SPAG17: variants seen among roughly 807,000 people sequenced by gnomAD.
SPAG17 encodes the protein sperm-associated antigen 17.
In SPAG17, 169 loss-of-function variants were observed where a neutral mutation model predicts 273.6. That is an observed-to-expected ratio of 0.62 (90% CI 0.55 to 0.70). The LOEUF (loss-of-function observed/expected upper bound fraction) is 0.70, where lower values mean the gene tolerates loss of function less well. Ranked by LOEUF, SPAG17 falls within the 30% of genes least tolerant of loss-of-function variation. The probability of loss-of-function intolerance (pLI) is 0.00; values close to 1 mark genes in which losing one functional copy is unlikely to be tolerated. For synonymous variants in SPAG17, 825 were observed against 873.2 expected (o/e 0.94, Z 0.97); for missense variants, 2,557 against 2,627.8 (o/e 0.97, Z 0.59).
chr1:118,029,056 C>T (rs1648116371), intron 25 of SPAG17, among the ~76,000 whole-genome samples: 1 of 151,992 alleles, frequency 6.6e-6, no homozygotes, highest in African/African-American at 2.4e-5. Flanking sequence ...TAGAAACCAG[C>T]CAGGGTAACA....
Position 118,055,863 on chromosome 1 carries a change from T to C in SPAG17, c.2592A>G (p.Glu864=), listed in dbSNP as rs79742727. 1,343 of 1,612,394 alleles carry C rather than the reference T, an allele frequency of 8.3e-4. 14 individuals are homozygous for C. In the African/African-American group the frequency reaches 0.016, roughly 19 times the overall value. ...TTTTAGATTCCTGATATATAGCTTC[T>C]TCTTTTGTAATCCAATCTTGAATAG... is the stretch of plus-strand genomic sequence containing the variant. ...AKSIQDWITK[E]EAIYQESKMN... is the part of the protein sequence containing the mutation. Residue 864 remains glutamate (E), a synonymous_variant, in exon 19 of 49, where the codon GAA becomes GAG. Transcript: ENST00000336338.
chr1:118,153,809 CACTCCAGCCTGGGT>C (rs1659514315), intron 1 of SPAG17, among the ~76,000 whole-genome samples: 1 of 151,728 alleles, frequency 6.6e-6, no homozygotes, highest in Non-Finnish European at 1.5e-5. Flanking sequence ...CGCACCACTG[CACTCCAGCCTGGGT>C]GACAAAGCGA....
intron 25 of SPAG17, among the ~76,000 whole-genome samples, chr1:118,030,387 CCGGT>C (rs1487549182): frequency 2.0e-5 from 3 of 151,854 alleles, no homozygotes; most frequent in African/African-American, 7.2e-5. Context: ...TTCCTTGTTG[CCGGT>C]CTTTTAGAAC....
chr1:118,100,234 A>G (rs1655976636), intron 5 of SPAG17, among the ~76,000 whole-genome samples: 1 of 152,224 alleles, frequency 6.6e-6, no homozygotes, highest in African/African-American at 2.4e-5. Flanking sequence ...GAAATAATGA[A>G]TATGGACATG....
intron 26 of SPAG17, 66 bp downstream of exon 26, chr1:118,028,208 C>T: frequency 2.6e-6 from 4 of 1,540,642 alleles, no homozygotes; most frequent in South Asian, 1.2e-5. Flanking sequence ...TGAAAATACA[C>T]AATTTCCTGT....
chr1:117,983,265 C>A (rs1656034639), intron 42 of SPAG17, among the ~76,000 whole-genome samples: 1 of 152,144 alleles, frequency 6.6e-6, no homozygotes, highest in Non-Finnish European at 1.5e-5. Flanking sequence ...GAAAGACCTG[C>A]CCCCATGATT....
At position 118,015,969 on chromosome 1, in the gene SPAG17, C is replaced by A. The variant is rs770821733; in HGVS notation, c.4283G>T (p.Gly1428Val). 6.2e-7 allele frequency: 1 copy of A among 1,613,770 alleles called. No homozygotes were observed. The highest frequency in any genetic ancestry group is 1.1e-5 in the South Asian group (1 of 91,038). The change falls in exon 29 of 49, where the codon GGA (glycine) becomes GTA (valine). Residue 1428 changes from glycine to valine, a missense_variant. Transcript: ENST00000336338. ...ATAAACAATAGTTTGTCATACCGTT[C>A]CATTGACAGGATCTGTGGCCTGAAA... ...LSFQATDPVNGTVMTTREDKV... is the reference protein window; with the variant it reads ...LSFQATDPVNVTVMTTREDKV...
At position 118,012,358 on chromosome 1, in the gene SPAG17, T is replaced by A; in HGVS notation, c.4302A>T (p.Arg1434=). 1 of 1,613,428 alleles carries A rather than the reference T, an allele frequency of 6.2e-7. No homozygotes were observed. Among genetic ancestry groups the A allele is most frequent in the Admixed American group, 1.7e-5 (1 of 59,954 alleles). The change falls in exon 30 of 49, where the codon CGA becomes CGT. Residue 1434 remains arginine, a synonymous_variant. Transcript: ENST00000336338. ...TTTCAACTATGACAACTTTGTCTTC[T>A]CGAGTTGTCATAACCTGAACATGAA... ...DPVNGTVMTT[R]EDKVVIVERK...
At chr1:117,994,291 A>T (rs1326152726) in intron 35 of SPAG17, 115 bp downstream of exon 35, 4 of 1,181,770 alleles carry the variant, frequency 3.4e-6, no homozygotes, top group Non-Finnish European at 4.6e-6. Context: ...CACATTAAAA[A>T]TTTACATAAG....
chr1:118,173,082 A>C (rs1200555763), intron 1 of SPAG17, among the ~76,000 whole-genome samples: 1 of 152,122 alleles, frequency 6.6e-6, no homozygotes, highest in Non-Finnish European at 1.5e-5. Flanking sequence ...TCAGAGTGAC[A>C]TCAGCAAGAT....
At chr1:118,118,464 C>T (rs554267311) in intron 3 of SPAG17, among the ~76,000 whole-genome samples, 2 of 152,108 alleles carry the variant, frequency 1.3e-5, no homozygotes, top group South Asian at 2.1e-4. Flanking sequence ...GAAAAATAGT[C>T]CTGAATGGGT....
At chr1:118,097,170 G>A (rs901626760) in intron 7 of SPAG17, among the ~76,000 whole-genome samples, 1 of 151,552 alleles carries the variant, frequency 6.6e-6, no homozygotes, top group Non-Finnish European at 1.5e-5. Flanking sequence ...AGGAGGCGGA[G>A]GTTGCAGTGA....
At chr1:118,117,303 C>T (rs1657147918) in intron 3 of SPAG17, among the ~76,000 whole-genome samples, 1 of 152,092 alleles carries the variant, frequency 6.6e-6, no homozygotes, top group Non-Finnish European at 1.5e-5. Context: ...AGGATATTCA[C>T]CTATGTCTGG....
intron 1 of SPAG17, among the ~76,000 whole-genome samples, chr1:118,153,243 G>A (rs559133905): frequency 1.3e-5 from 2 of 152,224 alleles, no homozygotes; most frequent in South Asian, 2.1e-4. Context: ...TCTGCCATGC[G>A]TCAGGCATAT....
intron 3 of SPAG17, among the ~76,000 whole-genome samples, chr1:118,143,656 T>C (rs905105311): frequency 3.9e-5 from 6 of 152,336 alleles, no homozygotes; most frequent in Admixed American, 1.3e-4. Flanking sequence ...TATCACCATA[T>C]GTAATTATTG....
At chr1:117,971,054 T>C (rs1654494089) in intron 45 of SPAG17, among the ~76,000 whole-genome samples, 1 of 147,848 alleles carries the variant, frequency 6.8e-6, no homozygotes, top group African/African-American at 2.6e-5. Context: ...CTTCTATCGT[T>C]TTTTTTTTAT....
At chr1:117,970,188 T>C in intron 45 of SPAG17, 72 bp from the exon 46 acceptor site, 7 of 1,463,566 alleles carry the variant, frequency 4.8e-6, no homozygotes, top group Non-Finnish European at 6.6e-6. Flanking sequence ...GCTGGGATGT[T>C]ATAAAATAAG....
At chr1:118,144,644 T>C (rs943791849) in intron 3 of SPAG17, among the ~76,000 whole-genome samples, 2 of 152,270 alleles carry the variant, frequency 1.3e-5, no homozygotes, top group Admixed American at 1.3e-4. Flanking sequence ...TTGATAGTGG[T>C]TTCTAAATGT....
At chr1:118,150,894 A>G (rs1488863580) in intron 2 of SPAG17, among the ~76,000 whole-genome samples, 2 of 152,144 alleles carry the variant, frequency 1.3e-5, no homozygotes, top group African/African-American at 4.8e-5. Flanking sequence ...TCATTTTCCA[A>G]TTAGTCATGT....
Sources: gnomAD v4.1 joint callset for allele counts (sites outside exome capture counted in the v4.1 genomes callset) on GRCh38, gnomAD v4.1.1 for gene constraint, MANE v1.5 for transcripts, NCBI Gene and HGNC (gene_info 2026-07-23, HGNC 2026-07-21) for gene names.